ZMYND8: variants seen among roughly 807,000 people sequenced by gnomAD.
The protein encoded by ZMYND8 is zinc finger MYND-type containing 8, also known as MYND-type zinc finger-containing chromatin reader ZMYND8.
In ZMYND8, 37 loss-of-function variants were observed where a neutral mutation model predicts 140.8. The ratio of observed to expected loss-of-function variants is 0.26; its 90% CI spans 0.20 to 0.35. The LOEUF (loss-of-function observed/expected upper bound fraction) is 0.35. Among genes scored for constraint, ZMYND8 ranks in the 10% least tolerant of loss-of-function variants. The pLI is 1.00. For synonymous variants in ZMYND8, 592 were observed against 597.1 expected, an observed-to-expected ratio of 0.99 and a Z score of 0.12; for missense variants, 1,068 against 1,570.0, an observed-to-expected ratio of 0.68 and a Z score of 5.40.
rs563851789 is a variant in ZMYND8, at chr20:47,209,467, T to C, written c.*1294A>G. On this transcript the variant is annotated 3_prime_UTR_variant, in exon 23 of 23. Transcript: ENST00000471951. The stretch of plus-strand genomic sequence containing the variant: ...GGCCAGCTAGGCTATTTTTTTTTTT[T>C]GACAACTGCAATTCACAAATGTTCT... 9.5e-4 allele frequency: 140 copies of C among 148,116 alleles called. 1 individual carries two copies. Among genetic ancestry groups the C allele is most frequent in the African/African-American group, 3.4e-3 (135 of 39,650 alleles). 9.2% of individuals were successfully genotyped at this position (148,116 alleles called of 1,614,324 possible). A position where few individuals can be genotyped will look rare whatever the true frequency, so the allele number is the denominator to read the frequency against.
chr20:47,283,443 A>G (rs1251078130), intron 9 of ZMYND8, 128 bp downstream of exon 9: 1 of 920,510 alleles, frequency 1.1e-6, no homozygotes. Flanking sequence ...TAATTTTATC[A>G]GCAAAAAATT....
At chr20:47,331,968 C>A (rs1017301642) in intron 2 of ZMYND8, among the ~76,000 whole-genome samples, 24 of 152,218 alleles carry the variant, frequency 1.6e-4, no homozygotes, top group Admixed American at 7.2e-4. Flanking sequence ...CTTTGGAAGG[C>A]TGAGGCAGGC....
At chr20:47,251,792 G>C (rs2147362870) in intron 12 of ZMYND8, among the ~76,000 whole-genome samples, 1 of 139,936 alleles carries the variant, frequency 7.1e-6, no homozygotes, top group Middle Eastern at 3.6e-3. Context: ...TCTCTGCCCG[G>C]CCGCCGCACC....
rs2035063535 is a variant in ZMYND8 at position 47,210,305 on chromosome 20, G to GAA, written c.*454_*455dup. The GAA allele has an allele frequency of 6.0e-6, 1 of 165,370 alleles. No homozygotes were observed. Among genetic ancestry groups the GAA allele is most frequent in the Non-Finnish European group, 1.3e-5 (1 of 76,094 alleles). 10.2% of individuals were successfully genotyped at this position (165,370 alleles called of 1,614,324 possible). On this transcript the variant is annotated 3_prime_UTR_variant, in exon 23 of 23. Transcript: ENST00000471951. ...TATCCAAGGATGAGGACGTGAGTATGAAAGTGGTCCCCGGGCCCAGTATCC... is the reference window on the plus strand; with the variant it reads ...TATCCAAGGATGAGGACGTGAGTATGAAAAAGTGGTCCCCGGGCCCAGTATCC...
At chr20:47,212,554 G>A in intron 22 of ZMYND8, 88 bp downstream of exon 22, 1 of 1,442,390 alleles carries the variant, frequency 6.9e-7, no homozygotes, top group Non-Finnish European at 9.7e-7. Context: ...CACCCACAAA[G>A]GAACACATAC....
At chr20:47,341,901 G>C (rs1049807542) in intron 2 of ZMYND8, among the ~76,000 whole-genome samples, 2 of 152,158 alleles carry the variant, frequency 1.3e-5, no homozygotes, top group African/African-American at 4.8e-5. Flanking sequence ...TACTTGGGAG[G>C]CTGAGGCAGG....
intron 17 of ZMYND8, among the ~76,000 whole-genome samples, chr20:47,227,998 C>A (rs1274391964): frequency 6.6e-6 from 1 of 150,904 alleles, no homozygotes; most frequent in Admixed American, 6.6e-5. Flanking sequence ...GATGCTGAGG[C>A]ATGAGAATCA....
chr20:47,352,344 G>C (rs1174162493), intron 1 of ZMYND8: 3 of 612,302 alleles, frequency 4.9e-6, no homozygotes, highest in Admixed American at 1.3e-4. Context: ...CTGTTTATAA[G>C]CCTGCAAACA....
intron 16 of ZMYND8, 44 bp downstream of exon 16, chr20:47,236,282 G>A (rs756306195): frequency 1.2e-6 from 2 of 1,611,046 alleles, no homozygotes. Context: ...CTGGCATCCT[G>A]CCAGGTGTCT....
intron 9 of ZMYND8, 34 bp from the exon 10 acceptor site, chr20:47,282,251 C>T (rs775513931): frequency 6.3e-7 from 1 of 1,582,956 alleles, no homozygotes; most frequent in Non-Finnish European, 8.7e-7. Flanking sequence ...AGAGTTTGTA[C>T]ATATTTGACA....
intron 16 of ZMYND8, 134 bp downstream of exon 16, chr20:47,236,192 T>G: frequency 9.7e-7 from 1 of 1,036,016 alleles, no homozygotes. Flanking sequence ...TTGGAGATTC[T>G]GTTTTTAAAA....
intron 12 of ZMYND8, among the ~76,000 whole-genome samples, chr20:47,250,942 T>C (rs1233985519): frequency 6.6e-6 from 1 of 151,886 alleles, no homozygotes; most frequent in Non-Finnish European, 1.5e-5. Flanking sequence ...GGCAGGAGAA[T>C]GGCTTGAGCC....
At chr20:47,308,866 C>T (rs1042021074) in intron 3 of ZMYND8, among the ~76,000 whole-genome samples, 4 of 152,148 alleles carry the variant, frequency 2.6e-5, no homozygotes, top group African/African-American at 9.7e-5. Context: ...ATGAAAGCAA[C>T]AATCTCGTTT....
At chr20:47,303,590 G>A (rs867769236) in intron 3 of ZMYND8, among the ~76,000 whole-genome samples, 2 of 152,210 alleles carry the variant, frequency 1.3e-5, no homozygotes, top group Middle Eastern at 3.4e-3. Flanking sequence ...AGCTACTCAG[G>A]AGGTTGAGGC....
At chr20:47,244,317 C>G (rs2040290348) in intron 14 of ZMYND8, among the ~76,000 whole-genome samples, 1 of 152,224 alleles carries the variant, frequency 6.6e-6, no homozygotes, top group Non-Finnish European at 1.5e-5. Flanking sequence ...TGGCTACAAC[C>G]TGTAATTTGT....
At chr20:47,289,687 A>G (rs1158312575) in intron 7 of ZMYND8, among the ~76,000 whole-genome samples, 3 of 152,176 alleles carry the variant, frequency 2.0e-5, no homozygotes, top group African/African-American at 7.2e-5. Context: ...AAAATATTAC[A>G]CTGCATGAGA....
intron 20 of ZMYND8, among the ~76,000 whole-genome samples, chr20:47,220,955 C>A (rs1568895419): frequency 6.6e-6 from 1 of 152,150 alleles, no homozygotes; most frequent in African/African-American, 2.4e-5. Context: ...TTAAATAAAA[C>A]TGTAAAATCA....
chr20:47,276,914 A>C, intron 10 of ZMYND8, 119 bp from the exon 11 acceptor site: 1 of 962,084 alleles, frequency 1.0e-6, no homozygotes, highest in Non-Finnish European at 1.4e-6. Context: ...TTCTATTAAA[A>C]AAAAAAAAAA....
At chr20:47,274,939 T>C (rs1282569945) in intron 11 of ZMYND8, among the ~76,000 whole-genome samples, 3 of 152,194 alleles carry the variant, frequency 2.0e-5, no homozygotes, top group South Asian at 2.1e-4. Flanking sequence ...ATTCATGGTA[T>C]CCTGAAGAAC....
Sources: gnomAD v4.1 joint callset for allele counts (sites outside exome capture counted in the v4.1 genomes callset) on GRCh38, gnomAD v4.1.1 for gene constraint, MANE v1.5 for transcripts, NCBI Gene and HGNC (gene_info 2026-07-23, HGNC 2026-07-21) for gene names.